VIPR2: variants seen among roughly 807,000 people sequenced by gnomAD.
The protein encoded by VIPR2 is vasoactive intestinal polypeptide receptor 2.
In VIPR2, 48 loss-of-function variants were observed where a neutral mutation model predicts 58.0. That is an observed-to-expected ratio of 0.83 (90% CI 0.66 to 1.05). VIPR2 has a LOEUF of 1.05. VIPR2 is among the 50% of genes least tolerant of loss of function. The pLI, the probability that VIPR2 is intolerant of heterozygous loss-of-function variation, is 0.00. For synonymous variants in VIPR2, 243 were observed against 235.2 expected, an observed-to-expected ratio of 1.03 and a Z score of -0.30; for missense variants, 534 against 558.0, an observed-to-expected ratio of 0.96 and a Z score of 0.43.
At chr7:159,132,975 C>CAGATTGATTTTAGAATGATTGG (rs1797029518) in intron 2 of VIPR2, among the ~76,000 whole-genome samples, 1 of 145,612 alleles carries the variant, frequency 6.9e-6, no homozygotes, top group Admixed American at 6.9e-5. Flanking sequence ...GATTGGCATA[C>CAGATTGATTTTAGAATGATTGG]CGATTGATTT....
At chr7:159,139,355 G>C (rs998871714) in intron 2 of VIPR2, among the ~76,000 whole-genome samples, 3 of 152,172 alleles carry the variant, frequency 2.0e-5, no homozygotes, top group African/African-American at 7.2e-5. Flanking sequence ...CGCTCCCACT[G>C]CTCCTGGGGG....
intron 4 of VIPR2, among the ~76,000 whole-genome samples, chr7:159,081,907 G>A (rs60884546): frequency 0.098 from 14,828 of 152,064 alleles, 1,841 homozygotes; most frequent in African/African-American, 0.29. Flanking sequence ...AATCAAAACC[G>A]CAATGAGATA....
chr7:159,031,587 C>T lies in VIPR2; in HGVS notation c.1143+241G>A. On this transcript the variant is annotated intron_variant, in intron 12 of 12. Coordinates refer to ENST00000262178, the MANE Select transcript of VIPR2 (RefSeq NM_003382.5). This position sits in a 1 kb window ranked among gnomAD's most constrained non-coding sequence, Gnocchi z 4.0. ...TTTCCCGAGAGGGCTCCGAGACGGA[C>T]GGCAGTCGATGCTACTTAGGGTGGA... 1 of 985,328 alleles carries T rather than the reference C, an allele frequency of 1.0e-6. No individual in the cohort carries two copies. The highest frequency in any genetic ancestry group is 1.2e-6 in the Non-Finnish European group (1 of 829,920). The allele number at this position is 985,328 out of a possible 1,614,324, so 61.0% of individuals were successfully genotyped here.
Position 159,035,833 on chromosome 7 carries a change from G to A in VIPR2, c.809+119C>T, listed in dbSNP as rs139359815. 920 of 1,451,588 alleles carry A rather than the reference G, an allele frequency of 6.3e-4. 5 individuals carry two copies. In the African/African-American group the frequency reaches 0.011, roughly 17 times the overall value. The allele number at this position is 1,451,588 out of a possible 1,614,324, so 89.9% of individuals were successfully genotyped here. On this transcript the variant is annotated intron_variant, in intron 8 of 12. Coordinates refer to ENST00000262178, the MANE Select transcript of VIPR2 (RefSeq NM_003382.5). ...CCCAGATGCTTCCTGCGTGGCTGTC[G>A]GTTGGCCGCAAACGCTCCCTGTCCT...
At chr7:159,039,350 TGCCTGTGATCCCA>T (rs947607156) in intron 6 of VIPR2, among the ~76,000 whole-genome samples, 2 of 151,940 alleles carry the variant, frequency 1.3e-5, no homozygotes, top group Non-Finnish European at 2.9e-5. Flanking sequence ...TGGTGACACC[TGCCTGTGATCCCA>T]GCTACTCAGA....
chr7:159,130,989 GC>G (rs1244748485), intron 2 of VIPR2, among the ~76,000 whole-genome samples: 1 of 152,156 alleles, frequency 6.6e-6, no homozygotes, highest in East Asian at 1.9e-4. Flanking sequence ...GGCATCCAAG[GC>G]CCAGCATGGC....
chr7:159,080,049 C>G (rs1355592137), intron 4 of VIPR2, among the ~76,000 whole-genome samples: 2 of 152,162 alleles, frequency 1.3e-5, no homozygotes, highest in East Asian at 3.9e-4. Context: ...CAAGGAGGAG[C>G]TGATACCATT....
chr7:159,058,374 T>C (rs948346559), intron 5 of VIPR2, 107 bp downstream of exon 5: 46 of 839,486 alleles, frequency 5.5e-5, no homozygotes, highest in African/African-American at 8.5e-5. Context: ...GGGAGTCTTA[T>C]TGGCTTAGCA....
At position 159,093,999 on chromosome 7, in the gene VIPR2, T is replaced by C. The variant is rs1857668429; in HGVS notation, c.357+9758A>G. Among the ~76,000 whole-genome samples, 1 of 152,146 alleles carries C rather than the reference T, an allele frequency of 6.6e-6. No individual in the cohort carries two copies. The highest frequency in any genetic ancestry group is 2.1e-4 in the South Asian group (1 of 4,834). ...ATGGGGAACAGGCTCACATCTGTGA[T>C]GGGAAAGTCTGCCTTGACCTCTCAA... On this transcript the variant is annotated intron_variant, in intron 4 of 12. Transcript: ENST00000262178. The surrounding 1 kb of genome is among the most constrained non-coding windows in gnomAD (Gnocchi z 6.7).
At chr7:159,057,484 A>G (rs1295998828) in intron 5 of VIPR2, among the ~76,000 whole-genome samples, 1 of 152,172 alleles carries the variant, frequency 6.6e-6, no homozygotes, top group Non-Finnish European at 1.5e-5. Flanking sequence ...TGGATTCTCA[A>G]CCACTCCTAA....
At chr7:159,108,980 C>T (rs969813315) in intron 3 of VIPR2, among the ~76,000 whole-genome samples, 8 of 152,192 alleles carry the variant, frequency 5.3e-5, no homozygotes, top group Non-Finnish European at 7.3e-5. Context: ...ATCTTCCTTT[C>T]GGAATCTCCT....
At chr7:159,062,568 C>T (rs1354008841) in intron 4 of VIPR2, among the ~76,000 whole-genome samples, 3 of 151,846 alleles carry the variant, frequency 2.0e-5, no homozygotes, top group African/African-American at 4.8e-5. Flanking sequence ...TTATTCCTCC[C>T]GGTGGGTTTG....
intron 4 of VIPR2, among the ~76,000 whole-genome samples, chr7:159,064,557 C>T (rs991753448): frequency 4.6e-5 from 7 of 152,100 alleles, no homozygotes; most frequent in African/African-American, 1.7e-4. Flanking sequence ...AGCAGCCACC[C>T]GCTGTCGGGT....
intron 5 of VIPR2, among the ~76,000 whole-genome samples, chr7:159,046,311 T>C (rs779281932): frequency 2.0e-5 from 3 of 152,186 alleles, no homozygotes; most frequent in Admixed American, 2.0e-4. Flanking sequence ...GTGAAACAGT[T>C]CAAATGTCCA....
At chr7:159,089,470 T>C (rs545550971) in intron 4 of VIPR2, among the ~76,000 whole-genome samples, 1 of 152,258 alleles carries the variant, frequency 6.6e-6, no homozygotes, top group East Asian at 1.9e-4. Context: ...CCTCGGCTCC[T>C]CATCTGTGGA....
chr7:159,069,974 T>G (rs1856295014), intron 4 of VIPR2, among the ~76,000 whole-genome samples: 1 of 152,208 alleles, frequency 6.6e-6, no homozygotes, highest in Non-Finnish European at 1.5e-5. Flanking sequence ...AGCTGATGTT[T>G]GGAGTTTACC....
intron 5 of VIPR2, among the ~76,000 whole-genome samples, chr7:159,045,003 G>A (rs2540348): frequency 0.89 from 135,306 of 152,214 alleles, 60,503 homozygotes; most frequent in East Asian, 1. Context: ...ACCTCTGACC[G>A]TATGTGATCC....
chr7:159,070,383 C>T (rs1585413266), intron 4 of VIPR2, among the ~76,000 whole-genome samples: 1 of 152,148 alleles, frequency 6.6e-6, no homozygotes, highest in East Asian at 1.9e-4. Context: ...CCCAGCTACA[C>T]ATTTTAAAGG....
At chr7:159,132,930 G>A (rs1468174572) in intron 2 of VIPR2, among the ~76,000 whole-genome samples, 2 of 146,922 alleles carry the variant, frequency 1.4e-5, no homozygotes, top group Admixed American at 1.4e-4. Flanking sequence ...ATTTCAGACA[G>A]AATGATTGGC....
Sources: gnomAD v4.1 joint callset for allele counts (sites outside exome capture counted in the v4.1 genomes callset) on GRCh38, gnomAD v4.1.1 for gene constraint, Gnocchi (gnomAD v3.1) non-coding constraint, MANE v1.5 for transcripts, NCBI Gene and HGNC (gene_info 2026-07-23, HGNC 2026-07-21) for gene names.